Variants in PTPRF observed in about 807,000 individuals in gnomAD.
The protein encoded by PTPRF is protein tyrosine phosphatase receptor type F, also known as receptor-type tyrosine-protein phosphatase F.
PTPRF carries 59 observed loss-of-function variants against 201.8 expected under a neutral mutation model. The ratio of observed to expected loss-of-function variants is 0.29; its 90% confidence interval spans 0.24 to 0.36. PTPRF has a LOEUF of 0.36. PTPRF is among the 10% of genes least tolerant of loss of function. PTPRF has a pLI of 1.00. For missense variants in PTPRF, 2,132 were observed against 2,690.5 expected (o/e 0.79, Z 4.59); for synonymous variants, 1,088 against 1,089.7 (o/e 1.00, Z 0.03).
Position 43,622,533 on chromosome 1 carries a change from G to C in PTPRF, c.*530G>C, listed in dbSNP as rs1042942752. The C allele has an allele frequency of 6.5e-6, 1 of 152,952 alleles. No individual in the cohort carries two copies. The highest frequency in any genetic ancestry group is 2.4e-5 in the African/African-American group (1 of 41,438). 9.5% of individuals were successfully genotyped at this position (152,952 alleles called of 1,614,324 possible). ...AACATTGCCTTCCTCGTGCAGAGCT[G>C]GGGCTGCCAGCCTGAGCGGAGGCTC... On this transcript the variant is annotated 3_prime_UTR_variant, in exon 34 of 34. Coordinates refer to ENST00000359947, the MANE Select transcript of PTPRF (RefSeq NM_002840.5).
intron 1 of PTPRF, among the ~76,000 whole-genome samples, chr1:43,535,169 G>A (rs1643927640): frequency 6.6e-6 from 1 of 152,210 alleles, no homozygotes; most frequent in South Asian, 2.1e-4. Flanking sequence ...GAGATTAGCA[G>A]GTCAAGGAGC....
At position 43,545,133 on chromosome 1, in the gene PTPRF, A is replaced by G; in HGVS notation, c.58A>G (p.Met20Val). 6.3e-7 allele frequency: 1 copy of G among 1,589,594 alleles called. No homozygotes were observed. Among genetic ancestry groups the G allele is most frequent in the Non-Finnish European group, 8.6e-7 (1 of 1,167,596 alleles). Residue 20 changes from methionine to valine, a missense_variant, in exon 3 of 34, where the codon ATG becomes GTG. This residue lies in a region of PTPRF where 297 missense variants were observed against 454.0 expected (regional missense o/e 0.65). Coordinates refer to ENST00000359947, the MANE Select transcript of PTPRF (RefSeq NM_002840.5). ...TMVPLVPALV[M>V]LGLVAGAHGD... ...GGTGCCCCTTGTGCCTGCACTGGTGATGCTTGGTTTGGTGGCAGGCGCCCA... is the reference window on the plus strand; with the variant it reads ...GGTGCCCCTTGTGCCTGCACTGGTGGTGCTTGGTTTGGTGGCAGGCGCCCA...
At position 43,603,975 on chromosome 1, in the gene PTPRF, G is replaced by A. The variant is rs1654425180; in HGVS notation, c.2823G>A (p.Leu941=). The stretch of plus-strand genomic sequence containing the variant: ...AACTGGCCTGGGACCCGCCAGTGCT[G>A]GCGGAGAGGAACGGGCGCATCATCA... ...TTELAWDPPV[L]AERNGRIISY... Residue 941 remains leucine (L), a synonymous_variant, in exon 16 of 34, where the codon CTG becomes CTA. Transcript: ENST00000359947. This position sits in a 1 kb window ranked among gnomAD's most constrained non-coding sequence, Gnocchi z 5.8. 1 of 1,614,072 alleles carries A rather than the reference G, an allele frequency of 6.2e-7. No individual in the cohort carries two copies. Among genetic ancestry groups the A allele is most frequent in the African/African-American group, 1.3e-5 (1 of 74,940 alleles).
intron 7 of PTPRF, among the ~76,000 whole-genome samples, chr1:43,580,399 T>A (rs1647284894): frequency 6.6e-6 from 1 of 152,238 alleles, no homozygotes; most frequent in South Asian, 2.1e-4. Flanking sequence ...CCAGTTGAGC[T>A]GCAGAGGAAC....
At chr1:43,548,355 G>A (rs1557683291) in intron 3 of PTPRF, among the ~76,000 whole-genome samples, 1 of 152,018 alleles carries the variant, frequency 6.6e-6, no homozygotes, top group Non-Finnish European at 1.5e-5. Flanking sequence ...GTTGACAGAG[G>A]TGGGCAGAGG....
Position 43,604,008 on chromosome 1 carries a change from C to T in PTPRF, c.2856C>T (p.Thr952=), listed in dbSNP as rs371669180. The change falls in exon 16 of 34, where the codon ACC becomes ACT. Residue 952 remains threonine (T), a synonymous_variant. Coordinates refer to ENST00000359947, the MANE Select transcript of PTPRF (RefSeq NM_002840.5). The part of the protein sequence containing the change: ...AERNGRIISY[T]VVFRDINSQQ... Reference sequence around the variant, plus strand: ...GGAACGGGCGCATCATCAGCTACACCGTGGTGTTCCGAGACATCAACAGCC... The same window carrying T: ...GGAACGGGCGCATCATCAGCTACACTGTGGTGTTCCGAGACATCAACAGCC... 32 of 1,614,110 alleles carry T rather than the reference C, an allele frequency of 2.0e-5. No homozygotes were observed. The highest frequency in any genetic ancestry group is 1.6e-4 in the Middle Eastern group (1 of 6,084).
chr1:43,614,903 AAG>A (rs781453737), intron 23 of PTPRF, among the ~76,000 whole-genome samples: 10 of 152,080 alleles, frequency 6.6e-5, no homozygotes, highest in South Asian at 2.1e-4. Context: ...TTACTTAAAA[AAG>A]AGAGAGAGAG....
rs1236358043 is a variant in PTPRF at position 43,604,940 on chromosome 1, G to C, written c.3075G>C (p.Lys1025Asn). The change falls in exon 17 of 34, where the codon AAG becomes AAC. Residue 1025 changes from lysine to asparagine, a missense_variant. Lys to Asn is a moderately conservative substitution (Grantham distance 94). Around this residue, in one of 6 missense-constraint regions of PTPRF, gnomAD observed 818 missense variants for 915.3 expected, o/e 0.89. Transcript: ENST00000359947. ...AKNFRVAAAM[K>N]TSVLLSWEVP... ...ACTTCCGGGTGGCGGCTGCAATGAA[G>C]ACGTCTGTGCTGCTCAGCTGGGAGG... The C allele has an allele frequency of 6.2e-7, 1 of 1,614,048 alleles. No individual in the cohort carries two copies. Among genetic ancestry groups the C allele is most frequent in the East Asian group, 2.2e-5 (1 of 44,894 alleles).
intron 27 of PTPRF, 32 bp downstream of exon 27, chr1:43,619,234 G>C: frequency 6.2e-7 from 1 of 1,606,776 alleles, no homozygotes; most frequent in African/African-American, 1.3e-5. Flanking sequence ...CAGAGGGGTG[G>C]GTGGGGTGGG....
chr1:43,523,173 G>A (rs1284655519), upstream of PTPRF, among the ~76,000 whole-genome samples: 1 of 152,160 alleles, frequency 6.6e-6, no homozygotes, highest in Admixed American at 6.5e-5. Flanking sequence ...AAGGAATCAG[G>A]GAGTGAAGAT....
chr1:43,621,986 G>A lies in PTPRF; in HGVS notation c.5707G>A (p.Asp1903Asn). The A allele has an allele frequency of 6.2e-7, 1 of 1,614,100 alleles. No individual in the cohort carries two copies. Residue 1903 changes from aspartate to asparagine, a missense_variant, in exon 34 of 34, where the codon GAC (aspartate) becomes AAC (asparagine). Around this residue, in one of 6 missense-constraint regions of PTPRF, gnomAD observed 519 missense variants for 659.5 expected, o/e 0.79. Transcript: ENST00000359947. Reference protein sequence around the residue: ...RAALEYLGSFDHYAT With the variant: ...RAALEYLGSFNHYAT ...GGCCCTGGAGTACCTCGGCAGCTTTGACCACTATGCAACGTAACTACCGCT... is the reference window on the plus strand; with the variant it reads ...GGCCCTGGAGTACCTCGGCAGCTTTAACCACTATGCAACGTAACTACCGCT...
chr1:43,599,895 C>T (rs968488300), intron 13 of PTPRF, among the ~76,000 whole-genome samples: 2 of 152,170 alleles, frequency 1.3e-5, no homozygotes, highest in Non-Finnish European at 2.9e-5. Context: ...GTGTGGTGCT[C>T]TCAAGGTCTC....
At chr1:43,584,702 C>G (rs1648663912) in intron 7 of PTPRF, among the ~76,000 whole-genome samples, 1 of 152,250 alleles carries the variant, frequency 6.6e-6, no homozygotes, top group African/African-American at 2.4e-5. Context: ...TCCAGCTTTA[C>G]TTAAAACTGT....
Position 43,622,311 on chromosome 1 carries a change from T to G in PTPRF, c.*308T>G. On this transcript the variant is annotated 3_prime_UTR_variant, in exon 34 of 34. Transcript: ENST00000359947. ...TCATGCTTCTTCTCATGGGGTGGGG[T>G]TGGGGCAAAGCCTCCTTTTTAATAC... 1 of 409,768 alleles carries G rather than the reference T, an allele frequency of 2.4e-6. No individual in the cohort carries two copies. The highest frequency in any genetic ancestry group is 3.6e-5 in the South Asian group (1 of 28,162). The allele number at this position is 409,768 out of a possible 1,614,324, so 25.4% of individuals were successfully genotyped here. A position where few individuals can be genotyped will look rare whatever the true frequency, so the allele number is the denominator to read the frequency against.
In PTPRF at chr1:43,619,316, A is replaced by G. The variant is rs548137409; in HGVS notation, c.4675A>G (p.Ile1559Val). ...SAGVGRTGCF[I>V]VIDAMLERMK... Reference sequence around the variant, plus strand: ...GGGCGTGGGCCGCACCGGCTGCTTCATCGTGATTGATGCCATGTTGGAGCG... The same window carrying G: ...GGGCGTGGGCCGCACCGGCTGCTTCGTCGTGATTGATGCCATGTTGGAGCG... The change falls in exon 28 of 34, where the codon ATC becomes GTC. Residue 1559 changes from isoleucine (I) to valine (V), a missense_variant. By Grantham distance (29) the Ile-to-Val change is conservative. Around this residue, in one of 6 missense-constraint regions of PTPRF, gnomAD observed 519 missense variants for 659.5 expected, o/e 0.79. Coordinates refer to ENST00000359947, the MANE Select transcript of PTPRF (RefSeq NM_002840.5). The G allele has an allele frequency of 3.7e-6, 6 of 1,613,674 alleles. No homozygotes were observed. In the African/African-American group the frequency reaches 4.0e-5, roughly 11 times the overall value.
intron 13 of PTPRF, among the ~76,000 whole-genome samples, chr1:43,599,948 G>C (rs1653333357): frequency 6.6e-6 from 1 of 152,198 alleles, no homozygotes; most frequent in African/African-American, 2.4e-5. Flanking sequence ...TCTCACCTCT[G>C]CCTGGGTGGA....
chr1:43,529,980 G>A (rs1487968634), upstream of PTPRF, among the ~76,000 whole-genome samples: 1 of 152,034 alleles, frequency 6.6e-6, no homozygotes, highest in Non-Finnish European at 1.5e-5. Flanking sequence ...TCTCTGCTTG[G>A]GGTTGACACT....
In PTPRF at chr1:43,622,016, TCTC is replaced by T. The variant is rs775283573; in HGVS notation, c.*18_*20del. The T allele has an allele frequency of 4.6e-5, 75 of 1,613,262 alleles. No individual in the cohort carries two copies. Among genetic ancestry groups the T allele is most frequent in the Middle Eastern group, 1.6e-4 (1 of 6,080 alleles). Reference sequence around the variant, plus strand: ...CTATGCAACGTAACTACCGCTCCCCTCTCCTCCGCCACCCCCGCCGTGGGGCTC... The same window carrying T: ...CTATGCAACGTAACTACCGCTCCCCTCTCCGCCACCCCCGCCGTGGGGCTC... On this transcript the variant is annotated 3_prime_UTR_variant, in exon 34 of 34. Transcript: ENST00000359947.
At chr1:43,620,803 G>T (rs192390040) in intron 31 of PTPRF, 35 bp from the exon 32 acceptor site, 17 of 1,592,312 alleles carry the variant, frequency 1.1e-5, no homozygotes, top group Non-Finnish European at 1.5e-5. Flanking sequence ...CCTAAGGCAC[G>T]AATTCTAATC....
Sources: allele counts gnomAD v4.1 joint callset (sites outside exome capture counted in the v4.1 genomes callset), GRCh38; gene constraint gnomAD v4.1.1; regional missense constraint gnomAD v4.1.1; non-coding constraint Gnocchi (gnomAD v3.1); transcripts MANE v1.5; gene names NCBI Gene and HGNC (gene_info 2026-07-23, HGNC 2026-07-21).